The following AATF variants were observed in gnomAD, a reference collection of about 807,000 sequenced individuals.
AATF encodes the protein apoptosis antagonizing transcription factor.
In AATF, 48 loss-of-function variants were observed where a neutral mutation model predicts 63.7. The ratio of observed to expected loss-of-function variants is 0.75; its 90% CI spans 0.60 to 0.96. The LOEUF is 0.96. Among genes scored for constraint, AATF ranks in the 40% least tolerant of loss-of-function variants. The pLI is 0.00. For missense variants in AATF, 639 were observed against 685.7 expected (o/e 0.93, Z 0.76); for synonymous variants, 258 against 247.7 (o/e 1.04, Z -0.39).
rs1055525513 is a variant in AATF, at chr17:37,036,793, C to A, written c.1619+5108C>A. ...GTGCTGGTCTAGTAGATCTTATACT[C>A]TTCTCCAGTATGAGGTTACAGATGG... On this transcript the variant is annotated intron_variant, in intron 11 of 11. Coordinates refer to ENST00000619387, the MANE Select transcript of AATF (RefSeq NM_012138.4). Among the ~76,000 whole-genome samples the A allele has an allele frequency of 5.9e-5, 9 of 152,104 alleles. No homozygotes were observed. In the East Asian group the frequency reaches 1.5e-3, roughly 26 times the overall value.
chr17:37,008,436 G>A (rs1017690974), intron 8 of AATF, among the ~76,000 whole-genome samples: 2 of 152,176 alleles, frequency 1.3e-5, no homozygotes, highest in African/African-American at 4.8e-5. Context: ...CACTTAGATT[G>A]AACTGTGCAG....
intron 11 of AATF, among the ~76,000 whole-genome samples, chr17:37,039,028 G>C (rs990522930): frequency 5.9e-5 from 9 of 152,110 alleles, no homozygotes; most frequent in Non-Finnish European, 1.0e-4. Context: ...CCCTAAATAT[G>C]GGCATACTCT....
intron 4 of AATF, among the ~76,000 whole-genome samples, chr17:36,962,565 AT>A (rs796321224): frequency 0.048 from 6,987 of 145,014 alleles, 411 homozygotes; most frequent in African/African-American, 0.15. Flanking sequence ...ATCAGAAACA[AT>A]TTTTTTTTTT....
At chr17:36,977,432 A>G (rs1315176676) in intron 4 of AATF, among the ~76,000 whole-genome samples, 1 of 151,706 alleles carries the variant, frequency 6.6e-6, no homozygotes, top group Non-Finnish European at 1.5e-5. Context: ...TATAGAGAGA[A>G]TTTGGGCATT....
Position 36,950,377 on chromosome 17 carries a change from T to C in AATF, c.255T>C (p.His85=), listed in dbSNP as rs1226406978. 14 of 1,614,068 alleles carry C rather than the reference T, an allele frequency of 8.7e-6. No homozygotes were observed. The highest frequency in any genetic ancestry group is 4.5e-5 in the East Asian group (2 of 44,898). The change falls in exon 2 of 12, where the codon CAT becomes CAC. Residue 85 remains histidine (H), a synonymous_variant. Coordinates refer to ENST00000619387, the MANE Select transcript of AATF (RefSeq NM_012138.4). ...TTSRKAWNED[H]WEQTLPGSSD... The stretch of plus-strand genomic sequence containing the variant: ...CTAGAAAAGCATGGAATGAAGACCA[T>C]TGGGAGCAGACTCTGCCAGGATCGT...
intron 8 of AATF, among the ~76,000 whole-genome samples, chr17:37,013,939 C>T (rs1005142009): frequency 1.3e-5 from 2 of 152,126 alleles, no homozygotes; most frequent in Non-Finnish European, 2.9e-5. Flanking sequence ...TTGGAGACCT[C>T]ATCCTAGAGC....
At chr17:37,010,029 C>T (rs375865279) in intron 8 of AATF, among the ~76,000 whole-genome samples, 2 of 151,924 alleles carry the variant, frequency 1.3e-5, no homozygotes, top group African/African-American at 4.8e-5. Context: ...ATTCCTAGGT[C>T]GATAATGGTG....
chr17:37,036,522 G>A (rs866389732), intron 11 of AATF, among the ~76,000 whole-genome samples: 1 of 151,998 alleles, frequency 6.6e-6, no homozygotes. Context: ...GGTCTGAGTA[G>A]TGTTATCTAT....
At chr17:37,040,440 C>G (rs928181792) in intron 11 of AATF, among the ~76,000 whole-genome samples, 2 of 145,624 alleles carry the variant, frequency 1.4e-5, no homozygotes, top group African/African-American at 2.6e-5. Context: ...TGCACTAAGC[C>G]CTTCACATAT....
intron 4 of AATF, among the ~76,000 whole-genome samples, chr17:36,970,312 T>C (rs2071028883): frequency 6.6e-6 from 1 of 152,184 alleles, no homozygotes; most frequent in Non-Finnish European, 1.5e-5. Flanking sequence ...CTAATAATTG[T>C]ATAGGTAGGT....
intron 8 of AATF, among the ~76,000 whole-genome samples, chr17:36,995,073 A>G (rs1356179031): frequency 2.6e-5 from 4 of 152,238 alleles, no homozygotes; most frequent in African/African-American, 7.2e-5. Context: ...AGATGTTGAC[A>G]GATCAATACC....
chr17:36,962,210 A>C (rs2070953238), intron 4 of AATF, among the ~76,000 whole-genome samples: 1 of 152,210 alleles, frequency 6.6e-6, no homozygotes, highest in African/African-American at 2.4e-5. Context: ...TAACATATGC[A>C]GTGTTTTATC....
chr17:36,965,884 T>G (rs528822598), intron 4 of AATF, among the ~76,000 whole-genome samples: 1 of 152,114 alleles, frequency 6.6e-6, no homozygotes, highest in South Asian at 2.1e-4. Flanking sequence ...TCTTTTTTCT[T>G]TTTTATAGAG....
intron 4 of AATF, among the ~76,000 whole-genome samples, chr17:36,975,037 C>T (rs1420848058): frequency 1.3e-5 from 2 of 152,084 alleles, no homozygotes; most frequent in Non-Finnish European, 2.9e-5. Flanking sequence ...AGTACTGAGT[C>T]TGTTTCTTCC....
chr17:36,954,269 A>G (rs2070881973), intron 4 of AATF, among the ~76,000 whole-genome samples: 1 of 151,750 alleles, frequency 6.6e-6, no homozygotes. Context: ...TTTTGTAGAG[A>G]CAGGGTCTCA....
intron 4 of AATF, among the ~76,000 whole-genome samples, chr17:36,976,802 C>G (rs1291163102): frequency 6.6e-6 from 1 of 152,066 alleles, no homozygotes; most frequent in Non-Finnish European, 1.5e-5. Flanking sequence ...TTAAAAGAAA[C>G]ACAATTAAAA....
chr17:37,052,777 C>T (rs2071764000), intron 11 of AATF: 1 of 152,394 alleles, frequency 6.6e-6, no homozygotes. Flanking sequence ...ACAGGAAAAC[C>T]TCCAGGGCCT....
chr17:37,026,777 C>G (rs546261997), intron 10 of AATF, among the ~76,000 whole-genome samples: 38 of 152,214 alleles, frequency 2.5e-4, no homozygotes, highest in Non-Finnish European at 4.8e-4. Context: ...AGTTGTTTCA[C>G]TGGCAGGACC....
intron 11 of AATF, among the ~76,000 whole-genome samples, chr17:37,051,784 A>G (rs2071753991): frequency 2.0e-5 from 3 of 150,898 alleles, no homozygotes; most frequent in Non-Finnish European, 4.4e-5. Flanking sequence ...TTTTTTTTCT[A>G]GAAACAGGTT....
Sources: gnomAD v4.1 joint callset for allele counts (sites outside exome capture counted in the v4.1 genomes callset) on GRCh38, gnomAD v4.1.1 for gene constraint, MANE v1.5 for transcripts, NCBI Gene and HGNC (gene_info 2026-07-23, HGNC 2026-07-21) for gene names.